AGBL1: variants seen among roughly 807,000 people sequenced by gnomAD.
AGBL1 encodes cytosolic carboxypeptidase 4.
Under a neutral mutation model 118.9 loss-of-function variants are expected in AGBL1, and 130 were observed. The ratio of observed to expected loss-of-function variants is 1.09; its 90% CI spans 0.95 to 1.26. The LOEUF is 1.26. Among genes scored for constraint, AGBL1 ranks in the 50% most tolerant of loss-of-function variants. The probability of loss-of-function intolerance (pLI) is 0.00; values close to 1 mark genes in which losing one functional copy is unlikely to be tolerated. For missense variants in AGBL1, 1,584 were observed against 1,298.1 expected, an observed-to-expected ratio of 1.22 and a Z score of -3.38; for synonymous variants, 555 against 478.9, an observed-to-expected ratio of 1.16 and a Z score of -2.08.
intron 3 of AGBL1, among the ~76,000 whole-genome samples, chr15:86,150,434 A>C (rs2077092290): frequency 6.6e-6 from 1 of 152,226 alleles, no homozygotes; most frequent in Admixed American, 6.5e-5. Flanking sequence ...AAAAGTGATA[A>C]AGGGGATATC....
intron 22 of AGBL1, among the ~76,000 whole-genome samples, chr15:86,714,459 T>G (rs1369892475): frequency 6.6e-6 from 1 of 152,148 alleles, no homozygotes; most frequent in African/African-American, 2.4e-5. Context: ...CTAGGGGATT[T>G]GGAGCAATGG....
At chr15:87,027,758 T>G (rs1171856250) in intron 24 of AGBL1, among the ~76,000 whole-genome samples, 1 of 151,924 alleles carries the variant, frequency 6.6e-6, no homozygotes, top group Non-Finnish European at 1.5e-5. Flanking sequence ...TGGAAGCCAT[T>G]ATCCTCAGCA....
intron 23 of AGBL1, among the ~76,000 whole-genome samples, chr15:86,938,011 C>G (rs753142317): frequency 6.6e-6 from 1 of 152,148 alleles, no homozygotes; most frequent in Non-Finnish European, 1.5e-5. Flanking sequence ...ATGGCCAATA[C>G]AGTTGGTTGC....
intron 1 of AGBL1, among the ~76,000 whole-genome samples, chr15:86,123,143 G>C (rs1898191543): frequency 6.6e-6 from 1 of 152,042 alleles, no homozygotes. Context: ...ACTAAGAGTC[G>C]GGCACCTTAT....
chr15:86,969,411 G>A (rs1447722567), intron 23 of AGBL1, among the ~76,000 whole-genome samples: 1 of 151,974 alleles, frequency 6.6e-6, no homozygotes, highest in Non-Finnish European at 1.5e-5. Context: ...CGGGATACAA[G>A]AAAACGAAGC....
chr15:86,453,476 C>T (rs2082221582), intron 18 of AGBL1, among the ~76,000 whole-genome samples: 2 of 152,176 alleles, frequency 1.3e-5, no homozygotes, highest in Admixed American at 6.5e-5. Context: ...GAACACTTCT[C>T]CCTACAGCAA....
intron 6 of AGBL1, among the ~76,000 whole-genome samples, chr15:86,234,607 G>C (rs1413693280): frequency 6.6e-6 from 1 of 150,600 alleles, no homozygotes; most frequent in East Asian, 2.0e-4. Flanking sequence ...CACTTGCTCA[G>C]TGGTCACTGT....
At chr15:86,727,386 AG>A (rs953850569) in intron 22 of AGBL1, among the ~76,000 whole-genome samples, 55 of 152,300 alleles carry the variant, frequency 3.6e-4, no homozygotes, top group Non-Finnish European at 1.8e-4. Flanking sequence ...GCTCTGAAAA[AG>A]GTGCCTTGGG....
chr15:86,225,251 G>A (rs1468460336), intron 6 of AGBL1, among the ~76,000 whole-genome samples: 1 of 151,898 alleles, frequency 6.6e-6, no homozygotes, highest in Admixed American at 6.6e-5. Context: ...CTGTGGAGCT[G>A]ATGGACCCTC....
chr15:86,235,104 A>G lies in AGBL1; in HGVS notation c.526+10153A>G, dbSNP rs181059860. Among the ~76,000 whole-genome samples the G allele has an allele frequency of 5.3e-4, 80 of 152,340 alleles. No individual in the cohort carries two copies. The East Asian group carries it at 0.012, about 22-fold the overall frequency. On this transcript the variant is annotated intron_variant, in intron 6 of 22. Transcript: ENST00000614907. ...GCAACAGACAACATATAAAGAAGTG[A>G]AAAACTTCATGAAAACGGGCTGTGG...
chr15:86,599,373 G>A (rs1257433266), intron 21 of AGBL1, among the ~76,000 whole-genome samples: 1 of 151,754 alleles, frequency 6.6e-6, no homozygotes, highest in Non-Finnish European at 1.5e-5. Flanking sequence ...GGACAAATTT[G>A]CCATTGAACA....
chr15:86,206,665 A>AT (rs1273309787), intron 5 of AGBL1, among the ~76,000 whole-genome samples: 6 of 151,962 alleles, frequency 3.9e-5, no homozygotes, highest in South Asian at 4.2e-4. Flanking sequence ...GGATTGTTTG[A>AT]TTTTTTCCTT....
At chr15:86,221,351 C>T (rs2141919133) in intron 5 of AGBL1, among the ~76,000 whole-genome samples, 1 of 152,330 alleles carries the variant, frequency 6.6e-6, no homozygotes, top group Middle Eastern at 3.4e-3. Context: ...GCACTCAATA[C>T]AATGGGCTTG....
intron 22 of AGBL1, among the ~76,000 whole-genome samples, chr15:86,735,075 T>C (rs1052005527): frequency 7.3e-6 from 1 of 137,294 alleles, no homozygotes; most frequent in Non-Finnish European, 1.6e-5. Context: ...CATATAGTTA[T>C]AATAATAATT....
chr15:86,703,058 T>C (rs1203193031), intron 22 of AGBL1, among the ~76,000 whole-genome samples: 2 of 152,154 alleles, frequency 1.3e-5, no homozygotes, highest in Admixed American at 6.6e-5. Flanking sequence ...GTTATTGTAG[T>C]GTCTCAGAAT....
At position 86,911,518 on chromosome 15, in the gene AGBL1, C is replaced by T. The variant is rs2080351367; in HGVS notation, c.*4224C>T. ...GCCTGGCCCCAATCTCCTTGACAGC[C>T]TCAGGTTCTGACATTCTTTGTTCTC... On this transcript the variant is annotated 3_prime_UTR_variant, in exon 23 of 23. Coordinates refer to ENST00000614907, the MANE Select transcript of AGBL1 (RefSeq NM_001386094.1). The T allele has an allele frequency of 6.6e-6, 1 of 152,226 alleles. No homozygotes were observed. The highest frequency in any genetic ancestry group is 1.5e-5 in the Non-Finnish European group (1 of 68,082). The allele number at this position is 152,226 out of a possible 1,614,324, so 9.4% of individuals were successfully genotyped here.
At chr15:86,333,240 G>A (rs1595980961) in intron 17 of AGBL1, among the ~76,000 whole-genome samples, 1 of 152,098 alleles carries the variant, frequency 6.6e-6, no homozygotes, top group Admixed American at 6.5e-5. Context: ...AATTGATGAA[G>A]CCCAAAGTTG....
chr15:86,662,807 CT>C (rs2085568002), intron 21 of AGBL1, among the ~76,000 whole-genome samples: 1 of 152,202 alleles, frequency 6.6e-6, no homozygotes. Flanking sequence ...TTATGGTCCT[CT>C]TACCTAACAA....
chr15:86,298,296 A>G (rs28613574), intron 17 of AGBL1, among the ~76,000 whole-genome samples: 2 of 103,418 alleles, frequency 1.9e-5, no homozygotes, highest in African/African-American at 7.4e-5. Flanking sequence ...CTATATATAT[A>G]TGGTAGCTAT....
Sources: allele counts gnomAD v4.1 joint callset (sites outside exome capture counted in the v4.1 genomes callset), GRCh38; gene constraint gnomAD v4.1.1; transcripts MANE v1.5; gene names NCBI Gene and HGNC (gene_info 2026-07-23, HGNC 2026-07-21).